DCC: variants seen among roughly 807,000 people sequenced by gnomAD.
DCC encodes netrin receptor DCC.
DCC carries 58 observed loss-of-function variants against 172.5 expected under a neutral mutation model. That is an observed-to-expected ratio of 0.34 (90% confidence interval 0.27 to 0.42). DCC has a LOEUF of 0.42. DCC is among the 10% of genes least tolerant of loss of function. The pLI, the probability that DCC is intolerant of heterozygous loss-of-function variation, is 1.00. For missense variants in DCC, 1,740 were observed against 1,791.0 expected (o/e 0.97, Z 0.51); for synonymous variants, 709 against 644.5 (o/e 1.10, Z -1.52).
intron 21 of DCC, among the ~76,000 whole-genome samples, chr18:53,428,192 A>T (rs1911176778): frequency 1.7e-5 from 1 of 60,072 alleles, no homozygotes; most frequent in Non-Finnish European, 3.3e-5. Context: ...ATAATATAGA[A>T]TATATAATAT....
At chr18:53,095,410 A>G (rs1272442441) in intron 7 of DCC, among the ~76,000 whole-genome samples, 2 of 152,236 alleles carry the variant, frequency 1.3e-5, no homozygotes, top group African/African-American at 2.4e-5. Context: ...GACTTGCTCT[A>G]AGAACATGAA....
intron 1 of DCC, among the ~76,000 whole-genome samples, chr18:52,552,518 A>G (rs1304377854): frequency 6.6e-6 from 1 of 152,074 alleles, no homozygotes; most frequent in Non-Finnish European, 1.5e-5. Context: ...TTTATAAAGA[A>G]ACAGAATGGA....
chr18:52,700,012 G>A (rs2036080593), intron 1 of DCC, among the ~76,000 whole-genome samples: 1 of 150,230 alleles, frequency 6.7e-6, no homozygotes, highest in Admixed American at 6.6e-5. Context: ...GTAGAGCAAT[G>A]TATTCTTCAC....
chr18:52,764,291 C>T (rs1320025973), intron 2 of DCC, among the ~76,000 whole-genome samples: 1 of 152,212 alleles, frequency 6.6e-6, no homozygotes, highest in East Asian at 1.9e-4. Flanking sequence ...TAGCCATAGG[C>T]ATTTGTCAGA....
chr18:53,335,578 A>C (rs1222072926), intron 14 of DCC, among the ~76,000 whole-genome samples: 1 of 152,182 alleles, frequency 6.6e-6, no homozygotes, highest in East Asian at 1.9e-4. Context: ...ACATGCCTAC[A>C]TACATGTTAC....
intron 5 of DCC, among the ~76,000 whole-genome samples, chr18:52,970,964 T>A: frequency 6.6e-6 from 1 of 152,158 alleles, no homozygotes; most frequent in Non-Finnish European, 1.5e-5. Context: ...TTCTTTTGAA[T>A]TGAAACTCTG....
chr18:53,005,003 G>A (rs950609713), intron 5 of DCC, among the ~76,000 whole-genome samples: 1 of 152,222 alleles, frequency 6.6e-6, no homozygotes, highest in East Asian at 1.9e-4. Context: ...GACTAGGTTT[G>A]TTATAACAGT....
At chr18:52,439,184 G>GTGTGTGTA (rs1475221449) in intron 1 of DCC, among the ~76,000 whole-genome samples, 7 of 151,016 alleles carry the variant, frequency 4.6e-5, no homozygotes, top group African/African-American at 1.7e-4. Context: ...TTGTGTGTGT[G>GTGTGTGTA]TGTGTGTGTG....
At chr18:52,705,013 A>T (rs928765842) in intron 1 of DCC, among the ~76,000 whole-genome samples, 1 of 152,112 alleles carries the variant, frequency 6.6e-6, no homozygotes, top group African/African-American at 2.4e-5. Context: ...AGTTGGTGAG[A>T]TCATCCTGGG....
intron 14 of DCC, among the ~76,000 whole-genome samples, chr18:53,335,395 C>G (rs2057580626): frequency 6.6e-6 from 1 of 152,116 alleles, no homozygotes; most frequent in African/African-American, 2.4e-5. Flanking sequence ...AGAACTACAA[C>G]TAGTATATAG....
At chr18:52,644,394 C>T (rs563473097) in intron 1 of DCC, among the ~76,000 whole-genome samples, 34 of 151,908 alleles carry the variant, frequency 2.2e-4, no homozygotes, top group Non-Finnish European at 3.4e-4. Flanking sequence ...CTGGCTAACA[C>T]GGTGAAACCC....
chr18:53,114,564 A>AT (rs908288729), intron 7 of DCC, among the ~76,000 whole-genome samples: 20 of 151,288 alleles, frequency 1.3e-4, no homozygotes, highest in African/African-American at 4.6e-4. Flanking sequence ...GGAAGCCACA[A>AT]TTTTTTTTTA....
intron 2 of DCC, among the ~76,000 whole-genome samples, chr18:52,888,108 A>C (rs1474595655): frequency 6.6e-6 from 1 of 152,238 alleles, no homozygotes; most frequent in Admixed American, 6.5e-5. Flanking sequence ...GATTGAAAAT[A>C]CTTTTTCATC....
In DCC at chr18:52,660,047, C is replaced by T. The variant is rs560737176; in HGVS notation, c.92-92007C>T. On this transcript the variant is annotated intron_variant, in intron 1 of 28. Coordinates refer to ENST00000442544, the MANE Select transcript of DCC (RefSeq NM_005215.4). ...CAGAATTTTTTGCCTTCGAATTCCT[C>T]GCCCGCCAATTAATGGTAGAGAAAA... Among the ~76,000 whole-genome samples the T allele has an allele frequency of 1.4e-4, 21 of 152,186 alleles. 1 individual carries two copies. Among genetic ancestry groups the T allele is most frequent in the South Asian group, 8.3e-4 (4 of 4,820 alleles).
chr18:53,071,067 G>A (rs2042645194), intron 7 of DCC, among the ~76,000 whole-genome samples: 2 of 152,200 alleles, frequency 1.3e-5, no homozygotes, highest in Admixed American at 1.3e-4. Flanking sequence ...CCTGTCCACA[G>A]GGGCTTGTGG....
intron 1 of DCC, among the ~76,000 whole-genome samples, chr18:52,716,106 C>T (rs1234902826): frequency 2.6e-5 from 4 of 152,354 alleles, no homozygotes; most frequent in African/African-American, 9.6e-5. Flanking sequence ...TCTCAGTTTA[C>T]TGTTTTCTGA....
intron 2 of DCC, among the ~76,000 whole-genome samples, chr18:52,783,197 A>T (rs2145189945): frequency 6.6e-6 from 1 of 152,148 alleles, no homozygotes; most frequent in South Asian, 2.1e-4. Flanking sequence ...AATTAGAATG[A>T]GTTGGACATT....
At chr18:53,095,637 C>T (rs1367606011) in intron 7 of DCC, among the ~76,000 whole-genome samples, 1 of 152,098 alleles carries the variant, frequency 6.6e-6, no homozygotes, top group Non-Finnish European at 1.5e-5. Context: ...TTCAGACCCT[C>T]CTGAATCAAC....
At chr18:52,784,937 GAGAGAGAGAGAGAC>G (rs566267608) in intron 2 of DCC, among the ~76,000 whole-genome samples, 31 of 149,172 alleles carry the variant, frequency 2.1e-4, no homozygotes, top group Middle Eastern at 3.4e-3. Flanking sequence ...GAAGGGGGGA[GAGAGAGAGAGAGAC>G]AGAGAGAGAG....
Sources: allele counts gnomAD v4.1 joint callset (sites outside exome capture counted in the v4.1 genomes callset), GRCh38; gene constraint gnomAD v4.1.1; transcripts MANE v1.5; gene names NCBI Gene and HGNC (gene_info 2026-07-23, HGNC 2026-07-21).